The following ANKFN1 variants were observed in gnomAD, a reference collection of about 807,000 sequenced individuals.
ANKFN1 encodes ankyrin repeat and fibronectin type III domain containing 1, also known as ankyrin repeat and fibronectin type-III domain-containing protein 1.
ANKFN1 carries 74 observed loss-of-function variants against 108.7 expected under a neutral mutation model. The observed-to-expected ratio is 0.68, with a 90% CI of 0.56 to 0.83. The LOEUF (loss-of-function observed/expected upper bound fraction) is 0.83. Among genes scored for constraint, ANKFN1 ranks in the 40% least tolerant of loss-of-function variants. The pLI, the probability that ANKFN1 is intolerant of heterozygous loss-of-function variation, is 0.00. For synonymous variants in ANKFN1, 547 were observed against 516.2 expected (o/e 1.06, Z -0.81); for missense variants, 1,505 against 1,382.3 (o/e 1.09, Z -1.41).
intron 1 of ANKFN1, among the ~76,000 whole-genome samples, chr17:56,177,151 G>A (rs1029354877): frequency 6.6e-6 from 1 of 152,170 alleles, no homozygotes; most frequent in Non-Finnish European, 1.5e-5. Context: ...CCGGCAGAGT[G>A]AACAGTTGAC....
intron 4 of ANKFN1, among the ~76,000 whole-genome samples, chr17:56,090,535 C>T (rs113802613): frequency 3.3e-5 from 5 of 151,314 alleles, no homozygotes; most frequent in African/African-American, 9.7e-5. Context: ...TTTCTTTAAT[C>T]TTTGATAGTC....
At chr17:56,240,652 C>A (rs995329136) in intron 3 of ANKFN1, among the ~76,000 whole-genome samples, 2 of 152,046 alleles carry the variant, frequency 1.3e-5, no homozygotes, top group African/African-American at 4.8e-5. Flanking sequence ...ATGAGCAGGT[C>A]ATGTAAGTTT....
intron 3 of ANKFN1, among the ~76,000 whole-genome samples, chr17:56,311,063 A>G (rs976946518): frequency 2.0e-5 from 3 of 152,008 alleles, no homozygotes. Flanking sequence ...ATTTAGCATA[A>G]TGTCCTCCAG....
At chr17:56,300,831 A>G (rs1216065580) in intron 3 of ANKFN1, among the ~76,000 whole-genome samples, 2 of 152,082 alleles carry the variant, frequency 1.3e-5, no homozygotes, top group East Asian at 1.9e-4. Flanking sequence ...TCTTTCTCCT[A>G]TTTGTGCTTC....
intron 4 of ANKFN1, among the ~76,000 whole-genome samples, chr17:56,049,687 C>A (rs1435741211): frequency 6.7e-6 from 1 of 149,562 alleles, no homozygotes; most frequent in Non-Finnish European, 1.5e-5. Flanking sequence ...TGATGATTTC[C>A]AATTTCATCC....
chr17:56,282,105 A>G (rs1250613053), intron 3 of ANKFN1, among the ~76,000 whole-genome samples: 3 of 152,240 alleles, frequency 2.0e-5, no homozygotes, highest in African/African-American at 7.2e-5. Context: ...AACAGATATA[A>G]GGATAAATAA....
intron 4 of ANKFN1, among the ~76,000 whole-genome samples, chr17:56,125,701 C>T (rs182680804): frequency 5.3e-5 from 8 of 152,270 alleles, no homozygotes; most frequent in East Asian, 3.9e-4. Flanking sequence ...GTGGATCGTT[C>T]GGTAATAAAG....
intron 3 of ANKFN1, among the ~76,000 whole-genome samples, chr17:56,283,778 T>C (rs1209911409): frequency 6.6e-6 from 1 of 151,806 alleles, no homozygotes; most frequent in Non-Finnish European, 1.5e-5. Context: ...ACTCTACAAA[T>C]TGGGTTCCGT....
chr17:56,452,230 T>C (rs1361965646), intron 11 of ANKFN1, among the ~76,000 whole-genome samples: 1 of 152,194 alleles, frequency 6.6e-6, no homozygotes, highest in Non-Finnish European at 1.5e-5. Context: ...GGGCTAGACA[T>C]GCCAACATGA....
chr17:56,340,407 G>A (rs1413307185), intron 4 of ANKFN1, among the ~76,000 whole-genome samples: 2 of 151,772 alleles, frequency 1.3e-5, no homozygotes, highest in Non-Finnish European at 2.9e-5. Context: ...ACACAGCCTA[G>A]GTTGTCTTCC....
chr17:56,125,983 C>T (rs1477533019), intron 4 of ANKFN1, among the ~76,000 whole-genome samples: 2 of 152,138 alleles, frequency 1.3e-5, no homozygotes, highest in Admixed American at 6.5e-5. Context: ...AAAGAAATAC[C>T]GAGTCAAATT....
chr17:56,395,253 C>T (rs2047547050), intron 8 of ANKFN1, among the ~76,000 whole-genome samples: 1 of 152,108 alleles, frequency 6.6e-6, no homozygotes, highest in African/African-American at 2.4e-5. Flanking sequence ...CACTTAGGGA[C>T]TAACAACATT....
At chr17:56,445,892 C>A (rs181181504) in intron 10 of ANKFN1, among the ~76,000 whole-genome samples, 1 of 152,252 alleles carries the variant, frequency 6.6e-6, no homozygotes, top group Admixed American at 6.5e-5. Context: ...GTTGAAGTGT[C>A]TCATTACCAG....
At chr17:56,434,485 A>C (rs2048868639) in intron 8 of ANKFN1, among the ~76,000 whole-genome samples, 1 of 152,150 alleles carries the variant, frequency 6.6e-6, no homozygotes, top group Non-Finnish European at 1.5e-5. Context: ...GGGGAAAAAA[A>C]ATGTTTTTCT....
At chr17:56,430,369 C>T (rs145612043) in intron 8 of ANKFN1, among the ~76,000 whole-genome samples, 116 of 151,858 alleles carry the variant, frequency 7.6e-4, no homozygotes, top group East Asian at 1.9e-3. Flanking sequence ...CCGGGGCAGT[C>T]GGATGGGGAG....
At position 56,378,067 on chromosome 17, in the gene ANKFN1, C is replaced by A. The variant is rs187047354; in HGVS notation, c.910+3353C>A. On this transcript the variant is annotated intron_variant, in intron 8 of 20. Transcript: ENST00000682825. ...AATAGCAAATTGTTTAACTGCTCGT[C>A]ATTTGATGACATTTTTTAAAATTAA... Among the ~76,000 whole-genome samples, 500 of 152,294 alleles carry A rather than the reference C, an allele frequency of 3.3e-3. 2 individuals are homozygous for A. The highest frequency in any genetic ancestry group is 8.1e-3 in the South Asian group (39 of 4,822).
At chr17:56,440,286 C>A in intron 8 of ANKFN1, 41 bp from the exon 9 acceptor site, 1 of 1,300,988 alleles carries the variant, frequency 7.7e-7, no homozygotes, top group East Asian at 2.3e-5. Flanking sequence ...GAATTTTATT[C>A]TCCCTCTTTC....
upstream of ANKFN1, among the ~76,000 whole-genome samples, chr17:56,151,128 C>G (rs1389841644): frequency 2.0e-5 from 3 of 152,194 alleles, no homozygotes; most frequent in Non-Finnish European, 2.9e-5. Context: ...AGCCACCTCT[C>G]TGGTCCTCAG....
At chr17:56,444,269 G>A (rs1401741854) in intron 10 of ANKFN1, among the ~76,000 whole-genome samples, 2 of 152,106 alleles carry the variant, frequency 1.3e-5, no homozygotes, top group East Asian at 3.9e-4. Context: ...AAAAAGAAAT[G>A]CAAAATGTGG....
Sources: allele counts gnomAD v4.1 joint callset (sites outside exome capture counted in the v4.1 genomes callset), GRCh38; gene constraint gnomAD v4.1.1; transcripts MANE v1.5; gene names NCBI Gene and HGNC (gene_info 2026-07-23, HGNC 2026-07-21).